ANKRD13A: variants seen among roughly 807,000 people sequenced by gnomAD.
ANKRD13A encodes the protein ankyrin repeat domain-containing protein 13A.
ANKRD13A carries 48 observed loss-of-function variants against 81.3 expected under a neutral mutation model. The observed-to-expected ratio is 0.59, with a 90% CI of 0.47 to 0.75. The LOEUF (loss-of-function observed/expected upper bound fraction) is 0.75. Ranked by LOEUF, ANKRD13A falls within the 30% of genes least tolerant of loss-of-function variation. ANKRD13A has a pLI of 0.00. For missense variants in ANKRD13A, 612 were observed against 734.0 expected (o/e 0.83, Z 1.92); for synonymous variants, 230 against 270.1 (o/e 0.85, Z 1.45).
chr12:110,018,281 T>C lies in ANKRD13A; in HGVS notation c.401-64T>C, dbSNP rs1224375740. On this transcript the variant is annotated intron_variant, in intron 4 of 14. Coordinates refer to ENST00000261739, the MANE Select transcript of ANKRD13A (RefSeq NM_033121.2). The surrounding 1 kb of genome is among the most constrained non-coding windows in gnomAD (Gnocchi z 4.4). The stretch of plus-strand genomic sequence containing the variant: ...CCTTTTATTAAATCAGAATCCTGAT[T>C]TCCTGGCCTAGGTATTCTTCTTGGC... 3.3e-6 allele frequency: 5 copies of C among 1,524,958 alleles called. No individual in the cohort carries two copies. Among genetic ancestry groups the C allele is most frequent in the Non-Finnish European group, 4.5e-6 (5 of 1,121,522 alleles). The allele number at this position is 1,524,958 out of a possible 1,614,324, so 94.5% of individuals were successfully genotyped here.
chr12:110,016,452 GTTAT>G lies in ANKRD13A; in HGVS notation c.400+26_400+29del. The G allele has an allele frequency of 1.9e-6, 3 of 1,571,032 alleles. No homozygotes were observed. Among genetic ancestry groups the G allele is most frequent in the South Asian group, 2.3e-5 (2 of 85,430 alleles). The stretch of plus-strand genomic sequence containing the variant: ...AGCTGGGGTGAGTGGCTGTGGGCTC[GTTAT>G]TTATTTCTCTTTCTAAATTTACTTA... On this transcript the variant is annotated intron_variant, in intron 4 of 14. Coordinates refer to ENST00000261739, the MANE Select transcript of ANKRD13A (RefSeq NM_033121.2).
intron 11 of ANKRD13A, among the ~76,000 whole-genome samples, 170 bp downstream of exon 11, chr12:110,029,805 A>G (rs1891570046): frequency 6.6e-6 from 1 of 152,184 alleles, no homozygotes; most frequent in African/African-American, 2.4e-5. Context: ...AAGAAGTGTT[A>G]TGATTAGTGG....
In ANKRD13A at chr12:110,036,286, G is replaced by A; in HGVS notation, c.1535G>A (p.Gly512Glu). 6.2e-7 allele frequency: 1 copy of A among 1,614,070 alleles called. No individual in the cohort carries two copies. The highest frequency in any genetic ancestry group is 8.5e-7 in the Non-Finnish European group (1 of 1,179,940). ...GAACTTTCAGGACCAGCTTCGAATG[G>A]AGGGATCAGCCAGACAAACACCTAT... The part of the protein sequence containing the change: ...SQELSGPASN[G>E]GISQTNTYDA... Residue 512 changes from glycine (G) to glutamate (E), a missense_variant, in exon 14 of 15, where the codon GGA (glycine) becomes GAA (glutamate). Gly to Glu is a moderately conservative substitution (Grantham distance 98). Transcript: ENST00000261739. This position sits in a 1 kb window ranked among gnomAD's most constrained non-coding sequence, Gnocchi z 4.6.
intron 7 of ANKRD13A, among the ~76,000 whole-genome samples, chr12:110,025,468 A>G (rs1324229607): frequency 1.3e-5 from 2 of 152,058 alleles, no homozygotes; most frequent in Non-Finnish European, 2.9e-5. Context: ...GTTTGAGACT[A>G]TTTAGCCACA....
At chr12:110,008,330 T>A (rs1890340222) in intron 1 of ANKRD13A, among the ~76,000 whole-genome samples, 1 of 152,240 alleles carries the variant, frequency 6.6e-6, no homozygotes, top group Admixed American at 6.5e-5. Context: ...ACCATTCTTA[T>A]ATTTGTAGGA....
chr12:110,036,263 A>C lies in ANKRD13A; in HGVS notation c.1512A>C (p.Glu504Asp), dbSNP rs1436296076. Residue 504 changes from glutamate to aspartate, a missense_variant and splice_region_variant, in exon 14 of 15, where the codon GAA becomes GAC. By Grantham distance (45) the Glu-to-Asp change is conservative. Coordinates refer to ENST00000261739, the MANE Select transcript of ANKRD13A (RefSeq NM_033121.2). The surrounding 1 kb of genome is among the most constrained non-coding windows in gnomAD (Gnocchi z 4.6). Reference sequence around the variant, plus strand: ...TCTATCACATTTGTCTTTGCCAGGAACTTTCAGGACCAGCTTCGAATGGAG... The same window carrying C: ...TCTATCACATTTGTCTTTGCCAGGACCTTTCAGGACCAGCTTCGAATGGAG... ...QSLLESSRSQ[E>D]LSGPASNGGI... The C allele has an allele frequency of 3.7e-6, 6 of 1,613,958 alleles. No homozygotes were observed. The highest frequency in any genetic ancestry group is 5.1e-6 in the Non-Finnish European group (6 of 1,179,820).
intron 12 of ANKRD13A, chr12:110,032,202 A>G (rs2137175832): frequency 6.6e-6 from 1 of 152,198 alleles, no homozygotes; most frequent in Non-Finnish European, 1.5e-5. Context: ...TTTTTTATAA[A>G]TGTCCCTTAT....
intron 1 of ANKRD13A, among the ~76,000 whole-genome samples, chr12:110,000,755 C>CTTTTT (rs34586781): frequency 7.9e-6 from 1 of 125,900 alleles, no homozygotes; most frequent in Non-Finnish European, 1.6e-5. Flanking sequence ...TTCTTTCCTT[C>CTTTTT]TTTTTTTTTT....
rs766349615 is a variant in ANKRD13A at position 110,029,644 on chromosome 12, A to G, written c.1234+9A>G. On this transcript the variant is annotated intron_variant, in intron 11 of 14. Transcript: ENST00000261739. The stretch of plus-strand genomic sequence containing the variant: ...ATTTCCTGTCAAAATAGGTACTGCT[A>G]AATAAACTTCAGCAACACTTGGAGG... 2 of 1,608,802 alleles carry G rather than the reference A, an allele frequency of 1.2e-6. No individual in the cohort carries two copies. Among genetic ancestry groups the G allele is most frequent in the Non-Finnish European group, 1.7e-6 (2 of 1,175,386 alleles).
intron 7 of ANKRD13A, among the ~76,000 whole-genome samples, chr12:110,024,516 G>A (rs1891225513): frequency 6.6e-6 from 1 of 152,172 alleles, no homozygotes; most frequent in Non-Finnish European, 1.5e-5. Context: ...GTAATCAGCA[G>A]GCGCACAGCC....
Position 109,999,696 on chromosome 12 carries a change from C to G in ANKRD13A, c.8C>G (p.Ser3Trp), listed in dbSNP as rs1593190311. Residue 3 changes from serine to tryptophan, a missense_variant, in exon 1 of 15, where the codon TCG becomes TGG. Physicochemically the swap from Ser to Trp is radical, Grantham distance 177. Transcript: ENST00000261739. The surrounding 1 kb of genome is among the most constrained non-coding windows in gnomAD (Gnocchi z 4.3). MS[S>W]ACDAGDHYPL... ...GGTTACGGCCTCCTCGCCATGTCCT[C>G]GGCCTGCGACGCGGGCGACCACTAC... The G allele has an allele frequency of 6.5e-7, 1 of 1,535,962 alleles. No individual in the cohort carries two copies. The highest frequency in any genetic ancestry group is 2.6e-5 in the East Asian group (1 of 39,024).
chr12:110,030,467 G>A (rs1015183540), intron 11 of ANKRD13A, among the ~76,000 whole-genome samples, 178 bp from the exon 12 acceptor site: 8 of 152,118 alleles, frequency 5.3e-5, no homozygotes, highest in Non-Finnish European at 8.8e-5. Context: ...GCGCCTGACC[G>A]AAAATACACA....
intron 11 of ANKRD13A, among the ~76,000 whole-genome samples, 200 bp from the exon 12 acceptor site, chr12:110,030,445 G>A (rs1357694267): frequency 6.6e-6 from 1 of 152,118 alleles, no homozygotes; most frequent in Non-Finnish European, 1.5e-5. Flanking sequence ...GGGATTACAG[G>A]TGTAAGCCAC....
intron 12 of ANKRD13A, among the ~76,000 whole-genome samples, chr12:110,031,954 T>C (rs193011043): frequency 2.4e-4 from 37 of 152,334 alleles, no homozygotes; most frequent in Middle Eastern, 3.4e-3. Context: ...CTTACACTTT[T>C]TTGTAGATTT....
In ANKRD13A at chr12:110,018,379, C is replaced by T. The variant is rs1361434355; in HGVS notation, c.435C>T (p.Val145=). The T allele has an allele frequency of 6.2e-7, 1 of 1,614,064 alleles. No homozygotes were observed. Among genetic ancestry groups the T allele is most frequent in the Non-Finnish European group, 8.5e-7 (1 of 1,179,972 alleles). The part of the protein sequence containing the change: ...PLVSRICPND[V]CRIWKSGAKL... ...TTTCTAGAATATGCCCAAATGATGT[C>T]TGTCGCATCTGGAAAAGTGGTGCCA... is the stretch of plus-strand genomic sequence containing the variant. The change falls in exon 5 of 15, where the codon GTC becomes GTT. Residue 145 remains valine, a synonymous_variant. Coordinates refer to ENST00000261739, the MANE Select transcript of ANKRD13A (RefSeq NM_033121.2). This position sits in a 1 kb window ranked among gnomAD's most constrained non-coding sequence, Gnocchi z 4.4.
chr12:110,023,773 T>A, intron 6 of ANKRD13A: 1 of 358,770 alleles, frequency 2.8e-6, no homozygotes, highest in Non-Finnish European at 5.1e-6. Flanking sequence ...TGTCACCACC[T>A]TTGTCCTCAA....
At chr12:110,025,937 T>A in intron 8 of ANKRD13A, 114 bp downstream of exon 8, 1 of 791,130 alleles carries the variant, frequency 1.3e-6, no homozygotes, top group Non-Finnish European at 2.0e-6. Context: ...GTGTTAAGCC[T>A]AACCCTAACT....
At position 110,036,402 on chromosome 12, in the gene ANKRD13A, A is replaced by G; in HGVS notation, c.1577+74A>G. ...GGACACAGGCGAGCAGACGCGTGGC[A>G]CTGTGCATTTGGTCCTCAGGCAGAT... On this transcript the variant is annotated intron_variant, in intron 14 of 14. Coordinates refer to ENST00000261739, the MANE Select transcript of ANKRD13A (RefSeq NM_033121.2). This position sits in a 1 kb window ranked among gnomAD's most constrained non-coding sequence, Gnocchi z 4.6. 1 of 1,473,420 alleles carries G rather than the reference A, an allele frequency of 6.8e-7. No homozygotes were observed. The highest frequency in any genetic ancestry group is 9.5e-7 in the Non-Finnish European group (1 of 1,053,018). The allele number at this position is 1,473,420 out of a possible 1,614,324, so 91.3% of individuals were successfully genotyped here.
intron 13 of ANKRD13A, among the ~76,000 whole-genome samples, chr12:110,035,385 G>A (rs1484564592): frequency 6.6e-6 from 1 of 152,038 alleles, no homozygotes; most frequent in Non-Finnish European, 1.5e-5. Flanking sequence ...TGGGAGGACT[G>A]ATTGAGCCCA....
Sources: gnomAD v4.1 joint callset for allele counts (sites outside exome capture counted in the v4.1 genomes callset) on GRCh38, gnomAD v4.1.1 for gene constraint, Gnocchi (gnomAD v3.1) non-coding constraint, MANE v1.5 for transcripts, NCBI Gene and HGNC (gene_info 2026-07-23, HGNC 2026-07-21) for gene names.